PLXNA2: variants seen among roughly 807,000 people sequenced by gnomAD.
PLXNA2 encodes the protein plexin A2, also known as plexin-A2.
A neutral mutation model predicts 193.5 loss-of-function variants in PLXNA2; 91 were observed. The ratio of observed to expected loss-of-function variants is 0.47; its 90% CI spans 0.40 to 0.56. The LOEUF (loss-of-function observed/expected upper bound fraction) is 0.56, where lower values mean the gene tolerates loss of function less well. Among genes scored for constraint, PLXNA2 ranks in the 20% least tolerant of loss-of-function variants. The pLI, the probability that PLXNA2 is intolerant of heterozygous loss-of-function variation, is 0.00. For missense variants in PLXNA2, 1,995 were observed against 2,503.2 expected, an observed-to-expected ratio of 0.80 and a Z score of 4.33; for synonymous variants, 997 against 1,027.3, an observed-to-expected ratio of 0.97 and a Z score of 0.56.
Position 208,060,712 on chromosome 1 carries a change from G to A in PLXNA2, c.2712C>T (p.Leu904=). Residue 904 remains leucine, a synonymous_variant, in exon 13 of 32, where the codon CTC becomes CTT. Coordinates refer to ENST00000367033, the MANE Select transcript of PLXNA2 (RefSeq NM_025179.4). The part of the protein sequence containing the change: ...VQVAGVPCTP[L]PGEYIIAEQI... ...GCTCAGCGATGATGTATTCCCCTGGGAGGGGCGTGCAGGGCACCCCAGCCA... is the reference window on the plus strand; with the variant it reads ...GCTCAGCGATGATGTATTCCCCTGGAAGGGGCGTGCAGGGCACCCCAGCCA... The A allele has an allele frequency of 1.9e-6, 3 of 1,614,020 alleles. No homozygotes were observed. The highest frequency in any genetic ancestry group is 2.5e-6 in the Non-Finnish European group (3 of 1,179,934).
chr1:208,022,986 G>A lies in PLXNA2; in HGVS notation c.*4257C>T, dbSNP rs909854989. ...AGTGAAACTTTATCCCTCATTCATGGGGATCACTGAGCTCCAGATACTAAA... is the reference window on the plus strand; with the variant it reads ...AGTGAAACTTTATCCCTCATTCATGAGGATCACTGAGCTCCAGATACTAAA... On this transcript the variant is annotated 3_prime_UTR_variant, in exon 32 of 32. Transcript: ENST00000367033. 6 of 152,132 alleles carry A rather than the reference G, an allele frequency of 3.9e-5. No individual in the cohort carries two copies. Among genetic ancestry groups the A allele is most frequent in the African/African-American group, 1.4e-4 (6 of 41,424 alleles). The allele number at this position is 152,132 out of a possible 1,614,324, so 9.4% of individuals were successfully genotyped here.
At chr1:208,199,210 G>A (rs1670458766) in intron 3 of PLXNA2, among the ~76,000 whole-genome samples, 1 of 152,196 alleles carries the variant, frequency 6.6e-6, no homozygotes. Flanking sequence ...TAAGATCCCT[G>A]AGATGTGTGG....
intron 28 of PLXNA2, chr1:208,032,189 T>C: frequency 3.1e-6 from 3 of 973,352 alleles, no homozygotes; most frequent in Non-Finnish European, 3.7e-6. Flanking sequence ...TAGGAAGGTA[T>C]GAAGAGGCTT....
chr1:208,095,363 G>A (rs1288513558), intron 8 of PLXNA2, among the ~76,000 whole-genome samples: 1 of 152,214 alleles, frequency 6.6e-6, no homozygotes, highest in Non-Finnish European at 1.5e-5. Flanking sequence ...CTCATAGCGT[G>A]TGGGCACCAA....
intron 3 of PLXNA2, among the ~76,000 whole-genome samples, chr1:208,167,635 C>T (rs1669353006): frequency 6.6e-6 from 1 of 152,198 alleles, no homozygotes; most frequent in African/African-American, 2.4e-5. Context: ...AGAAGGCCAT[C>T]TCAGGACCCC....
chr1:208,164,134 T>C lies in PLXNA2; in HGVS notation c.1372-21671A>G, dbSNP rs544213526. 1.1e-4 allele frequency among the ~76,000 whole-genome samples: 16 copies of C among 152,340 alleles called. No individual in the cohort carries two copies. The South Asian group carries it at 2.5e-3, about 24-fold the overall frequency. On this transcript the variant is annotated intron_variant, in intron 3 of 31. Transcript: ENST00000367033. ...ACCTTAGCAGGAAGGGGCTGGCATG[T>C]GTGTGCCCCATTAGAGAGCATTTGG...
intron 4 of PLXNA2, among the ~76,000 whole-genome samples, chr1:208,120,420 C>T (rs192515085): frequency 6.6e-5 from 10 of 152,212 alleles, no homozygotes; most frequent in South Asian, 2.1e-4. Context: ...TCATCTTTGA[C>T]GCATGGGGAG....
chr1:208,136,356 C>T (rs1024082119), intron 4 of PLXNA2, among the ~76,000 whole-genome samples: 17 of 152,222 alleles, frequency 1.1e-4, no homozygotes, highest in Non-Finnish European at 1.5e-5. Flanking sequence ...ACTACTAGTA[C>T]ATCTAGGACA....
At chr1:208,084,875 G>A (rs930889771) in intron 9 of PLXNA2, among the ~76,000 whole-genome samples, 7 of 152,154 alleles carry the variant, frequency 4.6e-5, no homozygotes, top group Non-Finnish European at 7.4e-5. Context: ...CTGGATAAAA[G>A]AGCCTCCACG....
chr1:208,027,153 C>A lies in PLXNA2; in HGVS notation c.*90G>T, dbSNP rs984041729. ...TCTCAGGGGACAGCAAGCTCTGGGG[C>A]CTGATCCCCATCACTTGTCCTTCCA... On this transcript the variant is annotated 3_prime_UTR_variant, in exon 32 of 32. Coordinates refer to ENST00000367033, the MANE Select transcript of PLXNA2 (RefSeq NM_025179.4). The A allele has an allele frequency of 3.0e-5, 35 of 1,171,092 alleles. No homozygotes were observed. The highest frequency in any genetic ancestry group is 4.2e-5 in the Non-Finnish European group (33 of 793,926). 72.5% of individuals were successfully genotyped at this position (1,171,092 alleles called of 1,614,324 possible).
Position 208,217,332 on chromosome 1 carries a change from G to T in PLXNA2, c.591C>A (p.Thr197=). Residue 197 remains threonine (T), a synonymous_variant, in exon 2 of 32, where the codon ACC becomes ACA. Transcript: ENST00000367033. This position sits in a 1 kb window ranked among gnomAD's most constrained non-coding sequence, Gnocchi z 4.7. ...CTCGGGGCAGCTTCCGGCTGGACAG[G>T]GTCGGGAAGTAATCCTGCTTCCCAT... ...AVDGKQDYFP[T]LSSRKLPRDP... 6.2e-7 allele frequency: 1 copy of T among 1,614,182 alleles called. No homozygotes were observed. The highest frequency in any genetic ancestry group is 1.1e-5 in the South Asian group (1 of 91,088).
rs1666263276 is a variant in PLXNA2 at position 208,079,482 on chromosome 1, C to T, written c.2396-32G>A. On this transcript the variant is annotated intron_variant, in intron 11 of 31. Transcript: ENST00000367033. The stretch of plus-strand genomic sequence containing the variant: ...AGAGAGCAGGTGGTCACAGATGAAA[C>T]CAGAAAGGGCTGCTCACAATGCACC... The T allele has an allele frequency of 4.6e-6, 7 of 1,509,676 alleles. No individual in the cohort carries two copies. In the East Asian group the frequency reaches 1.7e-4, roughly 37 times the overall value. 93.5% of individuals were successfully genotyped at this position (1,509,676 alleles called of 1,614,324 possible).
At chr1:208,143,209 C>T (rs1275806589) in intron 3 of PLXNA2, among the ~76,000 whole-genome samples, 1 of 152,172 alleles carries the variant, frequency 6.6e-6, no homozygotes, top group Non-Finnish European at 1.5e-5. Flanking sequence ...GGGGCCCAGG[C>T]ATCTTCTTCA....
intron 4 of PLXNA2, among the ~76,000 whole-genome samples, chr1:208,118,419 C>T (rs552478239): frequency 2.6e-4 from 39 of 152,280 alleles, no homozygotes; most frequent in Non-Finnish European, 5.6e-4. Flanking sequence ...GAGATGCAAG[C>T]GTGATGGTTA....
At chr1:208,067,070 C>A (rs1352449448) in intron 12 of PLXNA2, among the ~76,000 whole-genome samples, 1 of 152,116 alleles carries the variant, frequency 6.6e-6, no homozygotes, top group Non-Finnish European at 1.5e-5. Context: ...ACTGGCCGGG[C>A]GCAGTGGCTC....
At chr1:208,035,250 A>G (rs948755391) in intron 26 of PLXNA2, among the ~76,000 whole-genome samples, 1 of 152,202 alleles carries the variant, frequency 6.6e-6, no homozygotes, top group Non-Finnish European at 1.5e-5. Flanking sequence ...GGTAGAGCCA[A>G]TATTTGTAGC....
At chr1:208,135,649 C>T (rs1339682512) in intron 4 of PLXNA2, among the ~76,000 whole-genome samples, 3 of 152,188 alleles carry the variant, frequency 2.0e-5, no homozygotes, top group Non-Finnish European at 4.4e-5. Flanking sequence ...GCTTTGATGA[C>T]TCCAGCTGGG....
At chr1:208,117,902 A>G (rs1161043634) in intron 4 of PLXNA2, among the ~76,000 whole-genome samples, 1 of 152,230 alleles carries the variant, frequency 6.6e-6, no homozygotes, top group African/African-American at 2.4e-5. Context: ...ACTGGACATT[A>G]TCATTCCAAT....
chr1:208,142,232 G>A (rs1168322103), intron 4 of PLXNA2, 97 bp downstream of exon 4: 2 of 1,342,106 alleles, frequency 1.5e-6, no homozygotes, highest in African/African-American at 2.9e-5. Flanking sequence ...CAAGCCCAGA[G>A]GTCTCTCTTC....
Sources: allele counts gnomAD v4.1 joint callset (sites outside exome capture counted in the v4.1 genomes callset), GRCh38; gene constraint gnomAD v4.1.1; non-coding constraint Gnocchi (gnomAD v3.1); transcripts MANE v1.5; gene names NCBI Gene and HGNC (gene_info 2026-07-23, HGNC 2026-07-21).